The following TMEM120B variants were observed in gnomAD, a reference collection of about 807,000 sequenced individuals.
TMEM120B encodes the protein transmembrane protein 120B.
TMEM120B carries 31 observed loss-of-function variants against 55.5 expected under a neutral mutation model. The observed-to-expected ratio is 0.56, with a 90% CI of 0.42 to 0.75. The LOEUF (loss-of-function observed/expected upper bound fraction) is 0.75, where lower values mean the gene tolerates loss of function less well. Ranked by LOEUF, TMEM120B falls within the 30% of genes least tolerant of loss-of-function variation. TMEM120B has a pLI of 0.00. For missense variants in TMEM120B, 399 were observed against 425.5 expected, an observed-to-expected ratio of 0.94 and a Z score of 0.55; for synonymous variants, 203 against 176.3, an observed-to-expected ratio of 1.15 and a Z score of -1.20.
chr12:121,720,856 A>G (rs1305264340), intron 1 of TMEM120B, among the ~76,000 whole-genome samples: 1 of 152,204 alleles, frequency 6.6e-6, no homozygotes, highest in African/African-American at 2.4e-5. Flanking sequence ...GGCCAGAACC[A>G]TGTCTGTAAA....
At chr12:121,716,421 A>G (rs1200949303) in intron 1 of TMEM120B, among the ~76,000 whole-genome samples, 1 of 152,026 alleles carries the variant, frequency 6.6e-6, no homozygotes, top group African/African-American at 2.4e-5. Flanking sequence ...TTCTACTAGA[A>G]AATCCTGGTC....
chr12:121,754,531 G>C (rs1239426821), intron 5 of TMEM120B, among the ~76,000 whole-genome samples: 2 of 152,158 alleles, frequency 1.3e-5, no homozygotes, highest in East Asian at 1.9e-4. Context: ...CACAGGCTTC[G>C]GGGAGGGAGG....
chr12:121,733,074 G>A (rs576188562), intron 1 of TMEM120B, among the ~76,000 whole-genome samples: 42 of 151,812 alleles, frequency 2.8e-4, no homozygotes, highest in African/African-American at 9.9e-4. Context: ...AGACATACTT[G>A]CCTGTGTGCC....
chr12:121,716,013 G>A (rs1043282178), intron 1 of TMEM120B, among the ~76,000 whole-genome samples: 2 of 148,312 alleles, frequency 1.3e-5, no homozygotes, highest in Non-Finnish European at 3.0e-5. Flanking sequence ...TTTGTTGGGA[G>A]CTCGGTGCAT....
At chr12:121,736,246 C>T (rs1302967534) in intron 1 of TMEM120B, among the ~76,000 whole-genome samples, 3 of 151,906 alleles carry the variant, frequency 2.0e-5, no homozygotes, top group Admixed American at 6.6e-5. Context: ...GTGGTCTCAG[C>T]TCACTGCAAC....
chr12:121,771,399 C>T (rs1874048303), intron 7 of TMEM120B, 89 bp from the exon 8 acceptor site: 5 of 1,171,648 alleles, frequency 4.3e-6, no homozygotes, highest in Admixed American at 3.4e-5. Flanking sequence ...CACCTTTTCG[C>T]CTCTTCTGGT....
At chr12:121,766,198 G>A (rs1412649046) in intron 6 of TMEM120B, among the ~76,000 whole-genome samples, 1 of 152,130 alleles carries the variant, frequency 6.6e-6, no homozygotes. Flanking sequence ...GGTCAGGGGA[G>A]CAGGTAGGGG....
At chr12:121,734,887 T>C (rs943356095) in intron 1 of TMEM120B, among the ~76,000 whole-genome samples, 1 of 150,620 alleles carries the variant, frequency 6.6e-6, no homozygotes, top group Non-Finnish European at 1.5e-5. Context: ...CACTCCAGCC[T>C]GGGCGACAAG....
At chr12:121,738,904 C>T (rs988471584) in intron 1 of TMEM120B, among the ~76,000 whole-genome samples, 3 of 151,956 alleles carry the variant, frequency 2.0e-5, no homozygotes, top group Non-Finnish European at 2.9e-5. Context: ...AACTTAAGTT[C>T]GGCCGGGCAT....
intron 1 of TMEM120B, among the ~76,000 whole-genome samples, chr12:121,728,446 G>A (rs1894938019): frequency 1.3e-5 from 2 of 150,456 alleles, no homozygotes; most frequent in African/African-American, 4.9e-5. Flanking sequence ...CCGAGATTAC[G>A]CCACTGTACT....
At chr12:121,732,082 A>G (rs973014253) in intron 1 of TMEM120B, among the ~76,000 whole-genome samples, 1 of 152,238 alleles carries the variant, frequency 6.6e-6, no homozygotes, top group Non-Finnish European at 1.5e-5. Context: ...GGTTGCAGTG[A>G]GCAGAGATCG....
At chr12:121,714,899 G>A (rs1894670731) in intron 1 of TMEM120B, among the ~76,000 whole-genome samples, 2 of 152,096 alleles carry the variant, frequency 1.3e-5, no homozygotes, top group Non-Finnish European at 1.5e-5. Context: ...TGGGCTCGGA[G>A]GTCATGGTCA....
intron 1 of TMEM120B, among the ~76,000 whole-genome samples, chr12:121,716,945 C>T (rs992632503): frequency 6.6e-5 from 10 of 152,142 alleles, no homozygotes; most frequent in Non-Finnish European, 1.3e-4. Context: ...TTTCCCTCCT[C>T]CCCACCCCAA....
chr12:121,771,604 A>G, intron 8 of TMEM120B, 55 bp downstream of exon 8: 1 of 1,544,902 alleles, frequency 6.5e-7, no homozygotes, highest in Non-Finnish European at 9.0e-7. Flanking sequence ...TGAGACTTTC[A>G]CCAAGGGAGG....
At chr12:121,714,763 T>C (rs1160375133) in intron 1 of TMEM120B, among the ~76,000 whole-genome samples, 3 of 150,922 alleles carry the variant, frequency 2.0e-5, no homozygotes, top group African/African-American at 7.3e-5. Flanking sequence ...GGTTTCACCA[T>C]GTTGGCCAGG....
At position 121,775,950 on chromosome 12, in the gene TMEM120B, G is replaced by A. The variant is rs931135584; in HGVS notation, c.*228G>A. On this transcript the variant is annotated 3_prime_UTR_variant, in exon 12 of 12. Coordinates refer to ENST00000449592, the MANE Select transcript of TMEM120B (RefSeq NM_001080825.2). This position sits in a 1 kb window ranked among gnomAD's most constrained non-coding sequence, Gnocchi z 4.3. ...GGGTCCCCCATCGTCCCTGGAACCC[G>A]AGGCCTCACTCCTGTGCTTGAAGGT... 2.1e-5 allele frequency: 13 copies of A among 610,148 alleles called. No homozygotes were observed. Among genetic ancestry groups the A allele is most frequent in the Non-Finnish European group, 3.8e-5 (13 of 342,726 alleles). 37.8% of individuals were successfully genotyped at this position (610,148 alleles called of 1,614,324 possible). A position where few individuals can be genotyped will look rare whatever the true frequency, so the allele number is the denominator to read the frequency against.
intron 1 of TMEM120B, among the ~76,000 whole-genome samples, chr12:121,733,980 G>A (rs1268765695): frequency 6.6e-6 from 1 of 152,194 alleles, no homozygotes; most frequent in Non-Finnish European, 1.5e-5. Context: ...CTACGCTGCT[G>A]TCACAAAGAG....
At chr12:121,772,782 T>C (rs1404851427) in intron 8 of TMEM120B, among the ~76,000 whole-genome samples, 1 of 152,184 alleles carries the variant, frequency 6.6e-6, no homozygotes. Flanking sequence ...TGCAAACAAA[T>C]ACAAATGTAT....
intron 1 of TMEM120B, among the ~76,000 whole-genome samples, chr12:121,730,115 T>C (rs1894971963): frequency 6.7e-6 from 1 of 149,276 alleles, no homozygotes; most frequent in South Asian, 2.1e-4. Flanking sequence ...AAAAATTAGC[T>C]GGGCGTGGTA....
Sources: allele counts gnomAD v4.1 joint callset (sites outside exome capture counted in the v4.1 genomes callset), GRCh38; gene constraint gnomAD v4.1.1; non-coding constraint Gnocchi (gnomAD v3.1); transcripts MANE v1.5; gene names NCBI Gene and HGNC (gene_info 2026-07-23, HGNC 2026-07-21).